CDC27: variants seen among roughly 807,000 people sequenced by gnomAD.
CDC27 encodes cell division cycle protein 27 homolog.
CDC27 carries 27 observed loss-of-function variants against 109.7 expected under a neutral mutation model. The ratio of observed to expected loss-of-function variants is 0.25; its 90% confidence interval spans 0.18 to 0.34. The LOEUF (loss-of-function observed/expected upper bound fraction) is 0.34. Among genes scored for constraint, CDC27 ranks in the 10% least tolerant of loss-of-function variants. CDC27 has a pLI of 1.00. For missense variants in CDC27, 579 were observed against 960.2 expected (o/e 0.60, Z 5.25); for synonymous variants, 266 against 333.9 (o/e 0.80, Z 2.22).
chr17:47,138,935 T>TTA (rs1316002844), intron 12 of CDC27, 44 bp from the exon 13 acceptor site: 12 of 1,301,528 alleles, frequency 9.2e-6, no homozygotes, highest in South Asian at 2.7e-5. Context: ...TTGATACAAT[T>TTA]TATATATATA....
Position 47,189,199 on chromosome 17 carries a change from A to G in CDC27, c.-27T>C. 6.3e-7 allele frequency: 1 copy of G among 1,597,756 alleles called. No individual in the cohort carries two copies. Among genetic ancestry groups the G allele is most frequent in the Non-Finnish European group, 8.6e-7 (1 of 1,165,204 alleles). ...CTCGAGGCTCAGGCCCACTTTCTGC[A>G]GTGCCTCAGGCCCCCCCTGTAGCGG... On this transcript the variant is annotated 5_prime_UTR_variant, in exon 1 of 19. Coordinates refer to ENST00000066544, the MANE Select transcript of CDC27 (RefSeq NM_001256.6).
In CDC27 at chr17:47,118,773, A is replaced by G. The variant is rs1023254946; in HGVS notation, c.*2162T>C. On this transcript the variant is annotated 3_prime_UTR_variant, in exon 19 of 19. Coordinates refer to ENST00000066544, the MANE Select transcript of CDC27 (RefSeq NM_001256.6). ...GAAACTGCAAAAGCCAGAAAGTGTTACTACGTGGGAAATAAGGCTTCAAAT... is the reference window on the plus strand; with the variant it reads ...GAAACTGCAAAAGCCAGAAAGTGTTGCTACGTGGGAAATAAGGCTTCAAAT... 1.8e-4 allele frequency: 27 copies of G among 152,632 alleles called. No individual in the cohort carries two copies. Among genetic ancestry groups the G allele is most frequent in the African/African-American group, 6.3e-4 (26 of 41,580 alleles). The allele number at this position is 152,632 out of a possible 1,614,324, so 9.5% of individuals were successfully genotyped here.
rs764910004 is a variant in CDC27, at chr17:47,181,550, T to C, written c.103+12A>G. The stretch of plus-strand genomic sequence containing the variant: ...TCATTTATCATTCTACAGCAATGAA[T>C]AGATTTCAAACCTTCTGCATAAAGG... On this transcript the variant is annotated intron_variant, in intron 2 of 18. Transcript: ENST00000066544. 7 of 1,502,738 alleles carry C rather than the reference T, an allele frequency of 4.7e-6. No individual in the cohort carries two copies. Among genetic ancestry groups the C allele is most frequent in the South Asian group, 1.1e-5 (1 of 87,566 alleles). 93.1% of individuals were successfully genotyped at this position (1,502,738 alleles called of 1,614,324 possible). A position where few individuals can be genotyped will look rare whatever the true frequency, so the allele number is the denominator to read the frequency against.
chr17:47,177,862 A>G (rs1165881838), intron 2 of CDC27, among the ~76,000 whole-genome samples: 1 of 151,178 alleles, frequency 6.6e-6, no homozygotes, highest in African/African-American at 2.4e-5. Context: ...GTGTGTACAC[A>G]CACACACACA....
intron 9 of CDC27, among the ~76,000 whole-genome samples, chr17:47,147,393 C>T (rs1049726116): frequency 4.1e-5 from 6 of 145,148 alleles, no homozygotes; most frequent in African/African-American, 1.0e-4. Flanking sequence ...AGCGAAACTC[C>T]GTCTCAAAAA....
intron 5 of CDC27, 60 bp from the exon 6 acceptor site, chr17:47,157,444 A>C: frequency 7.6e-7 from 1 of 1,321,904 alleles, no homozygotes; most frequent in South Asian, 1.3e-5. Flanking sequence ...CATGTTTTTC[A>C]AGTATGCATA....
intron 15 of CDC27, among the ~76,000 whole-genome samples, chr17:47,130,573 A>C (rs1331415186): frequency 6.6e-6 from 1 of 152,028 alleles, no homozygotes; most frequent in Admixed American, 6.6e-5. Context: ...TGGACAAATT[A>C]TATGTTATAA....
intron 4 of CDC27, among the ~76,000 whole-genome samples, chr17:47,164,212 T>C (rs2063577139): frequency 6.6e-6 from 1 of 152,214 alleles, no homozygotes; most frequent in South Asian, 2.1e-4. Flanking sequence ...TTATACAATA[T>C]AGCCTAGGTG....
In CDC27 at chr17:47,123,952, T is replaced by C; in HGVS notation, c.2169A>G (p.Leu723=). Residue 723 remains leucine (L), a synonymous_variant, in exon 17 of 19, where the codon TTA becomes TTG. Transcript: ENST00000066544. ...TTTGTTTCAATTCTTCAAGTTCTTG[T>C]AAAGCAGACTGAAAAAGGCAAAGAA... ...LFANEKYKSA[L]QELEELKQIV... is the part of the protein sequence containing the mutation. 1 of 1,593,966 alleles carries C rather than the reference T, an allele frequency of 6.3e-7. No individual in the cohort carries two copies. The highest frequency in any genetic ancestry group is 8.5e-7 in the Non-Finnish European group (1 of 1,174,220).
chr17:47,171,679 A>G (rs1240369469), intron 3 of CDC27, among the ~76,000 whole-genome samples: 1 of 147,010 alleles, frequency 6.8e-6, no homozygotes, highest in Non-Finnish European at 1.5e-5. Context: ...TAAGAAACCA[A>G]TAAGAATCGG....
At chr17:47,183,589 G>A (rs1012593554) in intron 1 of CDC27, among the ~76,000 whole-genome samples, 1 of 152,086 alleles carries the variant, frequency 6.6e-6, no homozygotes, top group Non-Finnish European at 1.5e-5. Context: ...GGAAAAAGAT[G>A]AGATTAGGCA....
chr17:47,123,960 A>C lies in CDC27; in HGVS notation c.2161T>G (p.Ser721Ala). The change falls in exon 17 of 19, where the codon TCT (serine) becomes GCT (alanine). Residue 721 changes from serine to alanine, a missense_variant and splice_region_variant. Physicochemically the swap from Ser to Ala is moderately conservative, Grantham distance 99. Around this residue, in one of 9 missense-constraint regions of CDC27, gnomAD observed 227 missense variants for 363.6 expected, o/e 0.62. Coordinates refer to ENST00000066544, the MANE Select transcript of CDC27 (RefSeq NM_001256.6). ...SVLFANEKYKSALQELEELKQ... is the reference protein window; with the variant it reads ...SVLFANEKYKAALQELEELKQ... ...AATTCTTCAAGTTCTTGTAAAGCAG[A>C]CTGAAAAAGGCAAAGAAAAACCTTA... is the stretch of plus-strand genomic sequence containing the variant. 6.3e-7 allele frequency: 1 copy of C among 1,588,336 alleles called. No homozygotes were observed. Among genetic ancestry groups the C allele is most frequent in the Non-Finnish European group, 8.5e-7 (1 of 1,172,460 alleles).
rs549632866 is a variant in CDC27 at position 47,139,023 on chromosome 17, T to TA, written c.1552-133dup. ...TTATGGTTTTTATGTGAATGAGTAT[T>TA]AACACAAGGACAAATTCAGCAATCT... On this transcript the variant is annotated intron_variant, in intron 12 of 18. Transcript: ENST00000066544. 4.8e-4 allele frequency: 277 copies of TA among 572,904 alleles called. 4 individuals are homozygous for TA. The South Asian group carries it at 6.7e-3, about 14-fold the overall frequency. 35.5% of individuals were successfully genotyped at this position (572,904 alleles called of 1,614,324 possible).
chr17:47,137,033 G>A, intron 14 of CDC27, 119 bp downstream of exon 14: 1 of 526,292 alleles, frequency 1.9e-6, no homozygotes, highest in South Asian at 3.2e-5. Flanking sequence ...TGACCAGTAT[G>A]TACCATCCCT....
chr17:47,157,880 G>A (rs1241399022), intron 5 of CDC27, among the ~76,000 whole-genome samples: 2 of 152,046 alleles, frequency 1.3e-5, no homozygotes, highest in African/African-American at 4.8e-5. Context: ...TTTATTAATT[G>A]CATTAGAAAT....
At chr17:47,158,392 CAGA>C (rs1177100326) in intron 4 of CDC27, 89 bp from the exon 5 acceptor site, 18 of 516,832 alleles carry the variant, frequency 3.5e-5, no homozygotes, top group African/African-American at 3.2e-4. Flanking sequence ...GTAAAAGTTA[CAGA>C]AGTTCAGAGA....
intron 10 of CDC27, among the ~76,000 whole-genome samples, chr17:47,143,099 A>G (rs938508013): frequency 6.6e-6 from 1 of 152,010 alleles, no homozygotes; most frequent in African/African-American, 2.4e-5. Context: ...CAGCCTCCCA[A>G]GCAGCTGGGA....
intron 14 of CDC27, among the ~76,000 whole-genome samples, chr17:47,136,212 A>T (rs547267464): frequency 1.3e-5 from 2 of 152,200 alleles, no homozygotes; most frequent in Admixed American, 6.5e-5. Flanking sequence ...CTATCGGAAG[A>T]GACAGCAGCA....
intron 9 of CDC27, among the ~76,000 whole-genome samples, chr17:47,145,867 AG>A: frequency 6.6e-6 from 1 of 151,874 alleles, no homozygotes. Context: ...ATTGCATTGC[AG>A]CCTGGGCGAC....
Sources: allele counts gnomAD v4.1 joint callset (sites outside exome capture counted in the v4.1 genomes callset), GRCh38; gene constraint gnomAD v4.1.1; regional missense constraint gnomAD v4.1.1; transcripts MANE v1.5; gene names NCBI Gene and HGNC (gene_info 2026-07-23, HGNC 2026-07-21).